C4orf51: variants seen among roughly 807,000 people sequenced by gnomAD.
The protein encoded by C4orf51 is uncharacterized protein C4orf51.
In C4orf51, 25 loss-of-function variants were observed where a neutral mutation model predicts 25.2. The ratio of observed to expected loss-of-function variants is 0.99; its 90% CI spans 0.72 to 1.39. The LOEUF (loss-of-function observed/expected upper bound fraction) is 1.39. C4orf51 is among the 40% of genes most tolerant of loss of function. The pLI, the probability that C4orf51 is intolerant of heterozygous loss-of-function variation, is 0.00. For missense variants in C4orf51, 252 were observed against 239.6 expected (o/e 1.05, Z -0.34); for synonymous variants, 100 against 84.5 (o/e 1.18, Z -1.01).
chr4:145,778,373 A>G, the C4orf51 span, among the ~76,000 whole-genome samples: 32 of 152,210 alleles, frequency 2.1e-4, no homozygotes, highest in Admixed American at 5.9e-4. Flanking sequence ...ACCTCAGGTG[A>G]TCCACCTGCC....
chr4:145,746,393 T>C (rs759481555), intron 1 of C4orf51, among the ~76,000 whole-genome samples: 15 of 152,184 alleles, frequency 9.9e-5, no homozygotes, highest in Non-Finnish European at 2.1e-4. Context: ...TTTTTGTATA[T>C]AGTGAGAAAT....
chr4:145,724,370 A>C (rs1731923214), intron 2 of C4orf51, among the ~76,000 whole-genome samples: 1 of 152,186 alleles, frequency 6.6e-6, no homozygotes, highest in South Asian at 2.1e-4. Context: ...GTAATTGTTA[A>C]GCTCTTTGAC....
intron 2 of C4orf51, among the ~76,000 whole-genome samples, chr4:145,719,195 A>G (rs1002746728): frequency 3.3e-5 from 5 of 152,218 alleles, no homozygotes; most frequent in Non-Finnish European, 7.3e-5. Context: ...TGGTCCTTCC[A>G]TGGTTGGCTT....
At chr4:145,769,843 C>T (rs1308599133) in intron 1 of C4orf51, among the ~76,000 whole-genome samples, 1 of 152,182 alleles carries the variant, frequency 6.6e-6, no homozygotes, top group Non-Finnish European at 1.5e-5. Flanking sequence ...AAATATTGCA[C>T]AATTTTAAAC....
chr4:145,707,693 T>C (rs922406619), intron 2 of C4orf51, among the ~76,000 whole-genome samples: 3 of 152,182 alleles, frequency 2.0e-5, no homozygotes, highest in African/African-American at 7.2e-5. Context: ...TTAAGTAATA[T>C]AAAGGGATGT....
intron 1 of C4orf51, among the ~76,000 whole-genome samples, chr4:145,694,956 A>G (rs1310116459): frequency 6.6e-6 from 1 of 152,228 alleles, no homozygotes; most frequent in African/African-American, 2.4e-5. Flanking sequence ...ACAAATCACT[A>G]AAGACGATAA....
intron 2 of C4orf51, among the ~76,000 whole-genome samples, chr4:145,706,619 T>C (rs112706902): frequency 3.3e-5 from 5 of 152,082 alleles, no homozygotes; most frequent in Admixed American, 6.5e-5. Context: ...GTTTCTCCAA[T>C]TGTGTCCTGT....
chr4:145,767,593 A>G (rs1735500501), intron 1 of C4orf51, among the ~76,000 whole-genome samples: 1 of 152,228 alleles, frequency 6.6e-6, no homozygotes, highest in Non-Finnish European at 1.5e-5. Context: ...GTGCTAAAGA[A>G]CAAAATCCTG....
chr4:145,740,150 A>G (rs1039873697), intron 1 of C4orf51, among the ~76,000 whole-genome samples: 1 of 148,508 alleles, frequency 6.7e-6, no homozygotes, highest in Non-Finnish European at 1.5e-5. Context: ...TGGAATGTAA[A>G]GTTTCCTTCA....
intron 1 of C4orf51, among the ~76,000 whole-genome samples, chr4:145,739,160 A>G (rs1732963759): frequency 6.6e-6 from 1 of 152,182 alleles, no homozygotes; most frequent in Non-Finnish European, 1.5e-5. Flanking sequence ...ACTTTCTTTT[A>G]TGGCTAATAG....
the C4orf51 span, among the ~76,000 whole-genome samples, chr4:145,776,433 C>G: frequency 6.6e-6 from 1 of 151,226 alleles, no homozygotes; most frequent in Non-Finnish European, 1.5e-5. Context: ...TGCACTCCAG[C>G]CTGGGTGACG....
At chr4:145,774,714 T>TA, downstream of C4orf51, 3 of 1,592,396 alleles carry the variant, frequency 1.9e-6, no homozygotes, top group Non-Finnish European at 2.6e-6. Flanking sequence ...GAGAAAAGGG[T>TA]GACACATACT....
chr4:145,705,090 C>T (rs1730712838), intron 2 of C4orf51, among the ~76,000 whole-genome samples: 1 of 152,220 alleles, frequency 6.6e-6, no homozygotes, highest in South Asian at 2.1e-4. Flanking sequence ...GGAGAGCATG[C>T]ACAGTGTGTT....
At position 145,762,950 on chromosome 4, in the gene C4orf51, G is replaced by A. The variant is rs1734759853; in HGVS notation, n.167-8038G>A. The stretch of plus-strand genomic sequence containing the variant: ...TCAGCAGAGCCCAACACAACCAAGT[G>A]CACCGTGCACGGCCTCCTCAGCGCC... On this transcript the variant is annotated intron_variant and non_coding_transcript_variant, in intron 1 of 1. Transcript: ENST00000510096. The surrounding 1 kb of genome is among the most constrained non-coding windows in gnomAD (Gnocchi z 4.9). The A allele has an allele frequency of 6.7e-6, 5 of 749,026 alleles. No individual in the cohort carries two copies. The East Asian group carries it at 1.3e-4, about 20-fold the overall frequency. The allele number at this position is 749,026 out of a possible 1,614,324, so 46.4% of individuals were successfully genotyped here.
chr4:145,736,144 C>T (rs1231684532), downstream of C4orf51, among the ~76,000 whole-genome samples: 2 of 151,884 alleles, frequency 1.3e-5, no homozygotes, highest in Non-Finnish European at 2.9e-5. Context: ...GGCTTGAACA[C>T]GTGCTGTAGA....
At chr4:145,699,603 G>T (rs1011478814) in intron 2 of C4orf51, among the ~76,000 whole-genome samples, 5 of 152,160 alleles carry the variant, frequency 3.3e-5, no homozygotes, top group African/African-American at 9.7e-5. Context: ...GCCGGTCACG[G>T]ACTGGGAAGG....
At chr4:145,727,603 C>T (rs1370467752) in intron 3 of C4orf51, among the ~76,000 whole-genome samples, 11 of 151,622 alleles carry the variant, frequency 7.3e-5, no homozygotes, top group East Asian at 5.8e-4. Context: ...AGGCCGGGCA[C>T]GGTGGCTCAT....
At chr4:145,769,748 T>C (rs889992752) in intron 1 of C4orf51, among the ~76,000 whole-genome samples, 2 of 152,110 alleles carry the variant, frequency 1.3e-5, no homozygotes, top group African/African-American at 4.8e-5. Context: ...AAGATCTTGG[T>C]GAAGGACACC....
Position 145,765,688 on chromosome 4 carries a change from G to C in C4orf51, n.167-5300G>C, listed in dbSNP as rs776955362. The C allele has an allele frequency of 3.1e-6, 5 of 1,614,166 alleles. No homozygotes were observed. The highest frequency in any genetic ancestry group is 4.2e-6 in the Non-Finnish European group (5 of 1,180,016). ...TTGGCTGAATCACTCAGAGCTGAGA[G>C]GGAGGATGAAGAGGGGCTATTTGAT... On this transcript the variant is annotated intron_variant and non_coding_transcript_variant, in intron 1 of 1. Transcript: ENST00000510096. The surrounding 1 kb of genome is among the most constrained non-coding windows in gnomAD (Gnocchi z 4.7).
Sources: gnomAD v4.1 joint callset for allele counts (sites outside exome capture counted in the v4.1 genomes callset) on GRCh38, gnomAD v4.1.1 for gene constraint, Gnocchi (gnomAD v3.1) non-coding constraint, MANE v1.5 for transcripts, NCBI Gene and HGNC (gene_info 2026-07-23, HGNC 2026-07-21) for gene names.